RNF220: variants seen among roughly 807,000 people sequenced by gnomAD.
RNF220 encodes the protein ring finger protein 220.
Under a neutral mutation model 67.1 loss-of-function variants are expected in RNF220, and 7 were observed. That is an observed-to-expected ratio of 0.10 (90% CI 0.06 to 0.20). RNF220 has a LOEUF of 0.20. RNF220 is among the 10% of genes least tolerant of loss of function. RNF220 has a pLI of 1.00. For missense variants in RNF220, 565 were observed against 740.3 expected, an observed-to-expected ratio of 0.76 and a Z score of 2.75; for synonymous variants, 270 against 283.2, an observed-to-expected ratio of 0.95 and a Z score of 0.47.
rs1469529846 is a variant in RNF220, at chr1:44,423,996, C to T, written c.625+11274C>T. On this transcript the variant is annotated intron_variant, in intron 2 of 14. Transcript: ENST00000361799. Reference sequence around the variant, plus strand: ...CCATCCCCGCTGTGGTTTTCCTTCCCTGGCCTCTTATCTTCATCATCGCTC... The same window carrying T: ...CCATCCCCGCTGTGGTTTTCCTTCCTTGGCCTCTTATCTTCATCATCGCTC... 21 of 985,322 alleles carry T rather than the reference C, an allele frequency of 2.1e-5. 1 individual carries two copies. In the Admixed American group the frequency reaches 1.3e-3, roughly 61 times the overall value. The allele number at this position is 985,322 out of a possible 1,614,324, so 61.0% of individuals were successfully genotyped here.
chr1:44,588,808 G>A (rs1183604042), intron 2 of RNF220, among the ~76,000 whole-genome samples: 1 of 152,158 alleles, frequency 6.6e-6, no homozygotes, highest in Non-Finnish European at 1.5e-5. Flanking sequence ...CCTACCTGGG[G>A]TTCAGGTCAT....
intron 2 of RNF220, among the ~76,000 whole-genome samples, chr1:44,585,595 C>T (rs1461327816): frequency 2.0e-5 from 3 of 152,204 alleles, no homozygotes; most frequent in Non-Finnish European, 4.4e-5. Flanking sequence ...TCATCTCTTA[C>T]TCAGCAGATA....
intron 2 of RNF220, among the ~76,000 whole-genome samples, chr1:44,472,929 G>A (rs1040847355): frequency 6.6e-6 from 1 of 152,104 alleles, no homozygotes; most frequent in African/African-American, 2.4e-5. Flanking sequence ...TTTGCTTCTC[G>A]GCAGCACTCA....
chr1:44,623,186 T>G (rs1442792201), intron 4 of RNF220, among the ~76,000 whole-genome samples: 1 of 151,990 alleles, frequency 6.6e-6, no homozygotes, highest in Non-Finnish European at 1.5e-5. Flanking sequence ...AGCCAGACTA[T>G]GGGGGCACAG....
intron 2 of RNF220, among the ~76,000 whole-genome samples, chr1:44,567,127 G>A (rs926431084): frequency 1.3e-5 from 2 of 152,180 alleles, no homozygotes; most frequent in African/African-American, 4.8e-5. Context: ...TTGGGAATGG[G>A]ACCGAGTGGA....
chr1:44,540,669 G>A (rs1480897585), intron 2 of RNF220, among the ~76,000 whole-genome samples: 3 of 152,118 alleles, frequency 2.0e-5, no homozygotes, highest in Admixed American at 6.5e-5. Context: ...ATTTTTATTA[G>A]TGACTTAAAG....
In RNF220 at chr1:44,609,871, G is replaced by T. The variant is rs541166041; in HGVS notation, c.626-4294G>T. Among the ~76,000 whole-genome samples, 6 of 152,354 alleles carry T rather than the reference G, an allele frequency of 3.9e-5. No individual in the cohort carries two copies. In the East Asian group the frequency reaches 1.2e-3, roughly 29 times the overall value. On this transcript the variant is annotated intron_variant, in intron 2 of 14. Transcript: ENST00000361799. ...AGCAAGGAAAAGGGACTCTCTGGAG[G>T]TCATACAACTTAGGGAGCCTCCAGG...
intron 2 of RNF220, among the ~76,000 whole-genome samples, chr1:44,522,254 C>T (rs144093910): frequency 2.6e-5 from 4 of 152,234 alleles, no homozygotes; most frequent in African/African-American, 9.6e-5. Flanking sequence ...AGCTCTGTCG[C>T]GTGTTCACTG....
chr1:44,519,656 C>T (rs1659747162), intron 2 of RNF220, among the ~76,000 whole-genome samples: 1 of 152,178 alleles, frequency 6.6e-6, no homozygotes, highest in African/African-American at 2.4e-5. Flanking sequence ...GCTCCACGGA[C>T]AGTAGTAAGC....
At chr1:44,548,640 C>G (rs1397500085) in intron 2 of RNF220, among the ~76,000 whole-genome samples, 1 of 152,086 alleles carries the variant, frequency 6.6e-6, no homozygotes, top group African/African-American at 2.4e-5. Flanking sequence ...ACTACAGGTA[C>G]CACATCTGGC....
intron 2 of RNF220, among the ~76,000 whole-genome samples, chr1:44,506,887 G>A (rs968263815): frequency 7.9e-5 from 12 of 152,196 alleles, no homozygotes; most frequent in Non-Finnish European, 1.2e-4. Context: ...AGTAGCTAAT[G>A]AGTGACTACA....
At chr1:44,413,111 C>T (rs775442400) in intron 2 of RNF220, among the ~76,000 whole-genome samples, 4 of 152,228 alleles carry the variant, frequency 2.6e-5, no homozygotes, top group East Asian at 3.9e-4. Context: ...TTGCTGTCCT[C>T]GTTATGTTTG....
rs372455049 is a variant in RNF220, at chr1:44,412,096, C to T, written c.-2C>T. ...TAACGCCGGCCACAGAAAGAGACTCCGATGGACTTACACCGGGCAGCCTTC... is the reference window on the plus strand; with the variant it reads ...TAACGCCGGCCACAGAAAGAGACTCTGATGGACTTACACCGGGCAGCCTTC... On this transcript the variant is annotated 5_prime_UTR_variant, in exon 2 of 15. Coordinates refer to ENST00000361799, the MANE Select transcript of RNF220 (RefSeq NM_018150.4). This position sits in a 1 kb window ranked among gnomAD's most constrained non-coding sequence, Gnocchi z 5.3. 53 of 1,604,280 alleles carry T rather than the reference C, an allele frequency of 3.3e-5. No individual in the cohort carries two copies. Among genetic ancestry groups the T allele is most frequent in the African/African-American group, 9.4e-5 (7 of 74,560 alleles).
intron 2 of RNF220, among the ~76,000 whole-genome samples, chr1:44,454,276 A>G (rs1184652957): frequency 1.3e-5 from 2 of 152,184 alleles, no homozygotes; most frequent in Non-Finnish European, 2.9e-5. Context: ...GGAATGGTAT[A>G]TCTTTGCTTA....
chr1:44,621,811 CAT>C lies in RNF220; in HGVS notation c.759-928_759-927del, dbSNP rs889219619. On this transcript the variant is annotated intron_variant, in intron 3 of 14. Coordinates refer to ENST00000361799, the MANE Select transcript of RNF220 (RefSeq NM_018150.4). The surrounding 1 kb of genome is among the most constrained non-coding windows in gnomAD (Gnocchi z 4.8). ...TGCAGGTGTGCTGTACGTTATACCT[CAT>C]ATGTGTGTCTGTGCAGGGACCCTAT... Among the ~76,000 whole-genome samples, 1 of 152,196 alleles carries C rather than the reference CAT, an allele frequency of 6.6e-6. No homozygotes were observed. The highest frequency in any genetic ancestry group is 2.4e-5 in the African/African-American group (1 of 41,436).
chr1:44,412,940 C>T lies in RNF220; in HGVS notation c.625+218C>T, dbSNP rs1572413897. ...GAAAGTAGCCAGAGGCAAGTTGGCC[C>T]CAGCACAGCCTTTCTCTCCGGACCC... On this transcript the variant is annotated intron_variant, in intron 2 of 14. Coordinates refer to ENST00000361799, the MANE Select transcript of RNF220 (RefSeq NM_018150.4). The surrounding 1 kb of genome is among the most constrained non-coding windows in gnomAD (Gnocchi z 5.3). 1.3e-5 allele frequency among the ~76,000 whole-genome samples: 2 copies of T among 152,150 alleles called. No individual in the cohort carries two copies. Among genetic ancestry groups the T allele is most frequent in the African/African-American group, 2.4e-5 (1 of 41,426 alleles).
At chr1:44,439,217 G>A (rs1244335813) in intron 2 of RNF220, among the ~76,000 whole-genome samples, 1 of 152,168 alleles carries the variant, frequency 6.6e-6, no homozygotes, top group Non-Finnish European at 1.5e-5. Context: ...AACACATTAT[G>A]ATAAATATTT....
intron 2 of RNF220, among the ~76,000 whole-genome samples, chr1:44,465,389 T>G (rs1435032492): frequency 1.3e-5 from 2 of 150,448 alleles, no homozygotes; most frequent in Non-Finnish European, 3.0e-5. Flanking sequence ...TATATTATAT[T>G]AAATATATAA....
intron 2 of RNF220, among the ~76,000 whole-genome samples, chr1:44,434,078 T>C (rs1340679634): frequency 6.6e-6 from 1 of 152,152 alleles, no homozygotes; most frequent in African/African-American, 2.4e-5. Flanking sequence ...TTATTTGTCA[T>C]TTAAAAAATG....
Sources: allele counts gnomAD v4.1 joint callset (sites outside exome capture counted in the v4.1 genomes callset), GRCh38; gene constraint gnomAD v4.1.1; non-coding constraint Gnocchi (gnomAD v3.1); transcripts MANE v1.5; gene names NCBI Gene and HGNC (gene_info 2026-07-23, HGNC 2026-07-21).